Variants in CCSER1 observed in about 807,000 individuals in gnomAD.
CCSER1 encodes coiled-coil serine rich protein 1.
A neutral mutation model predicts 82.0 loss-of-function variants in CCSER1; 41 were observed. That is an observed-to-expected ratio of 0.50 (90% confidence interval 0.39 to 0.65). CCSER1 has a LOEUF of 0.65. CCSER1 is among the 30% of genes least tolerant of loss of function. The probability of loss-of-function intolerance (pLI) is 0.00; values close to 1 mark genes in which losing one functional copy is unlikely to be tolerated. For missense variants in CCSER1, 1,119 were observed against 1,064.2 expected (o/e 1.05, Z -0.72); for synonymous variants, 414 against 383.9 (o/e 1.08, Z -0.92).
intron 6 of CCSER1, 128 bp from the exon 7 acceptor site, chr4:90,723,786 T>G: frequency 2.4e-6 from 1 of 425,404 alleles, no homozygotes; most frequent in Non-Finnish European, 4.3e-6. Flanking sequence ...ACGTTAAATC[T>G]GATTTTTTAC....
intron 10 of CCSER1, among the ~76,000 whole-genome samples, chr4:91,300,836 T>C (rs1287701793): frequency 2.0e-5 from 3 of 151,904 alleles, no homozygotes; most frequent in Admixed American, 1.3e-4. Flanking sequence ...TAGGTTAGCA[T>C]TAAGCCTCTT....
At chr4:91,173,508 T>G (rs1258692581) in intron 10 of CCSER1, among the ~76,000 whole-genome samples, 1 of 149,770 alleles carries the variant, frequency 6.7e-6, no homozygotes, top group Non-Finnish European at 1.5e-5. Flanking sequence ...GCAGGAGAAT[T>G]GCTTGAACCC....
chr4:91,271,285 A>G (rs1240724340), intron 10 of CCSER1, among the ~76,000 whole-genome samples: 1 of 151,184 alleles, frequency 6.6e-6, no homozygotes, highest in Non-Finnish European at 1.5e-5. Context: ...TTTTCCCCAT[A>G]GGTTATTGGG....
chr4:90,263,771 A>G (rs1724755932), intron 1 of CCSER1, among the ~76,000 whole-genome samples: 1 of 152,132 alleles, frequency 6.6e-6, no homozygotes, highest in South Asian at 2.1e-4. Context: ...AAAGCTCCCA[A>G]AAGTTTATGT....
At chr4:90,724,696 C>A in intron 7 of CCSER1, 1 of 347,648 alleles carries the variant, frequency 2.9e-6, no homozygotes, top group Admixed American at 3.4e-5. Flanking sequence ...AGGAAAAAAA[C>A]TTAAAACGTT....
At chr4:90,903,368 G>T (rs886385444) in intron 8 of CCSER1, among the ~76,000 whole-genome samples, 4 of 152,000 alleles carry the variant, frequency 2.6e-5, no homozygotes, top group African/African-American at 9.7e-5. Context: ...TATGTAAGGA[G>T]TGCCTTTCAC....
chr4:90,871,373 T>C (rs1252057920), intron 8 of CCSER1, among the ~76,000 whole-genome samples: 3 of 151,880 alleles, frequency 2.0e-5, no homozygotes, highest in Non-Finnish European at 4.4e-5. Flanking sequence ...TGTTGATCCA[T>C]GTTCATCTGT....
intron 4 of CCSER1, among the ~76,000 whole-genome samples, chr4:90,456,971 A>T (rs1727405295): frequency 1.3e-5 from 2 of 152,116 alleles, no homozygotes; most frequent in Admixed American, 1.3e-4. Flanking sequence ...GGCAGTCTGC[A>T]CTCGGCTTGT....
chr4:91,334,430 T>C (rs1158263760), intron 10 of CCSER1, among the ~76,000 whole-genome samples: 1 of 152,074 alleles, frequency 6.6e-6, no homozygotes, highest in Non-Finnish European at 1.5e-5. Flanking sequence ...ATATCTACTC[T>C]GTATTTACTA....
At chr4:91,151,651 C>T (rs570480785) in intron 10 of CCSER1, among the ~76,000 whole-genome samples, 57 of 152,268 alleles carry the variant, frequency 3.7e-4, no homozygotes, top group African/African-American at 1.3e-3. Context: ...TTAACTGTGT[C>T]CCAGAGATTC....
At chr4:90,681,703 C>A (rs527963691) in intron 6 of CCSER1, among the ~76,000 whole-genome samples, 97 of 2,110 alleles carry the variant, frequency 0.046, 46 homozygotes, top group Admixed American at 0.26. Flanking sequence ...GCGTCGCTCA[C>A]GCTGGGAGCT....
chr4:90,253,825 T>G lies in CCSER1; in HGVS notation c.-41-54419T>G, dbSNP rs550683416. On this transcript the variant is annotated intron_variant, in intron 1 of 10. Transcript: ENST00000509176. ...TTTAGTTAGTCTCTTTTTGATTGTCTCTTTCTTTCTTCTCCCTATTAAATT... is the reference window on the plus strand; with the variant it reads ...TTTAGTTAGTCTCTTTTTGATTGTCGCTTTCTTTCTTCTCCCTATTAAATT... 2.1e-4 allele frequency among the ~76,000 whole-genome samples: 32 copies of G among 149,796 alleles called. No individual in the cohort carries two copies. In the South Asian group the frequency reaches 6.4e-3, roughly 30 times the overall value.
rs575509258 is a variant in CCSER1, at chr4:90,369,446, G to A, written c.1510-30590G>A. Among the ~76,000 whole-genome samples the A allele has an allele frequency of 1.0e-3, 151 of 147,682 alleles. 1 individual carries two copies. Among genetic ancestry groups the A allele is most frequent in the African/African-American group, 3.7e-3 (148 of 39,900 alleles). ...GGGAGCACAGAGGTATAAAAAAAGA[G>A]AATTGAAGAAGATATAGGGAGATTG... On this transcript the variant is annotated intron_variant, in intron 3 of 10. Transcript: ENST00000509176.
chr4:90,565,462 A>G (rs1779253389), intron 5 of CCSER1, among the ~76,000 whole-genome samples: 1 of 152,188 alleles, frequency 6.6e-6, no homozygotes, highest in Admixed American at 6.5e-5. Context: ...CTGCACACAG[A>G]GAGAACTTAA....
chr4:90,348,223 G>A (rs1377717064), intron 3 of CCSER1, among the ~76,000 whole-genome samples: 2 of 151,898 alleles, frequency 1.3e-5, no homozygotes, highest in African/African-American at 4.8e-5. Flanking sequence ...CATGGTGCAC[G>A]TTTACCTATG....
In CCSER1 at chr4:91,265,303, A is replaced by C. The variant is rs550035810; in HGVS notation, c.2217+179309A>C. Among the ~76,000 whole-genome samples, 3 of 152,274 alleles carry C rather than the reference A, an allele frequency of 2.0e-5. No homozygotes were observed. The East Asian group carries it at 5.8e-4, about 29-fold the overall frequency. ...AGTATGATTTATACAATCATAAACT[A>C]TTATATATTAATACAAAACCCCATT... On this transcript the variant is annotated intron_variant, in intron 10 of 10. Transcript: ENST00000509176.
At position 91,070,000 on chromosome 4, in the gene CCSER1, T is replaced by TC. The variant is rs1212832204; in HGVS notation, c.2173-15948dup. On this transcript the variant is annotated intron_variant, in intron 9 of 10. Coordinates refer to ENST00000509176, the MANE Select transcript of CCSER1 (RefSeq NM_001145065.2). Reference sequence around the variant, plus strand: ...AACCTTTTTTAATTTTTTTTTTTTTTCCAAGAAATAGTCTTGCTCTGTCAC... The same window carrying TC: ...AACCTTTTTTAATTTTTTTTTTTTTTCCCAAGAAATAGTCTTGCTCTGTCAC... 6.0e-5 allele frequency among the ~76,000 whole-genome samples: 9 copies of TC among 150,440 alleles called. 1 individual carries two copies. The highest frequency in any genetic ancestry group is 2.1e-4 in the South Asian group (1 of 4,674).
At chr4:91,449,794 A>G (rs1578487133) in intron 10 of CCSER1, among the ~76,000 whole-genome samples, 2 of 152,106 alleles carry the variant, frequency 1.3e-5, no homozygotes, top group East Asian at 3.8e-4. Context: ...TGAATTCTTG[A>G]AAAGATTCAT....
At chr4:91,179,234 AT>A (rs1196440476) in intron 10 of CCSER1, among the ~76,000 whole-genome samples, 2 of 151,760 alleles carry the variant, frequency 1.3e-5, no homozygotes, top group Admixed American at 6.6e-5. Context: ...TGCCCTTAAA[AT>A]TTTTTCCTTC....
Sources: allele counts gnomAD v4.1 joint callset (sites outside exome capture counted in the v4.1 genomes callset), GRCh38; gene constraint gnomAD v4.1.1; transcripts MANE v1.5; gene names NCBI Gene and HGNC (gene_info 2026-07-23, HGNC 2026-07-21).